The following RNF4 variants were observed in gnomAD, a reference collection of about 807,000 sequenced individuals.
RNF4 encodes E3 ubiquitin-protein ligase RNF4.
RNF4 carries 7 observed loss-of-function variants against 24.3 expected under a neutral mutation model. The observed-to-expected ratio is 0.29, with a 90% CI of 0.16 to 0.54. The LOEUF is 0.54. Ranked by LOEUF, RNF4 falls within the 20% of genes least tolerant of loss-of-function variation. The probability of loss-of-function intolerance (pLI) is 0.95; values close to 1 mark genes in which losing one functional copy is unlikely to be tolerated. For missense variants in RNF4, 209 were observed against 248.5 expected (o/e 0.84, Z 1.07); for synonymous variants, 83 against 84.3 (o/e 0.98, Z 0.09).
chr4:2,478,761 A>T (rs1735159977), intron 1 of RNF4, among the ~76,000 whole-genome samples: 1 of 152,228 alleles, frequency 6.6e-6, no homozygotes, highest in Non-Finnish European at 1.5e-5. Flanking sequence ...CGGGACACTC[A>T]TGGAGAACCT....
At chr4:2,490,831 G>C (rs1735558094) in intron 2 of RNF4, 1 of 219,340 alleles carries the variant, frequency 4.6e-6, no homozygotes, top group East Asian at 1.0e-4. Flanking sequence ...GACTGGGCAT[G>C]GTGGCTCATG....
At chr4:2,503,837 C>T (rs956691632) in intron 4 of RNF4, among the ~76,000 whole-genome samples, 6 of 152,134 alleles carry the variant, frequency 3.9e-5, no homozygotes, top group African/African-American at 1.4e-4. Context: ...CAGGACCTGT[C>T]GAATAGTTTG....
rs1304197374 is a variant in RNF4 at position 2,513,657 on chromosome 4, T to C, written c.424-13T>C. 2.5e-6 allele frequency: 4 copies of C among 1,612,956 alleles called. No individual in the cohort carries two copies. In the African/African-American group the frequency reaches 5.3e-5, roughly 22 times the overall value. On this transcript the variant is annotated splice_polypyrimidine_tract_variant and intron_variant, in intron 7 of 7. Coordinates refer to ENST00000314289, the MANE Select transcript of RNF4 (RefSeq NM_002938.5). ...GGGCAAACTCGGAGGCTCTTCTTTTTAATGCCTTCTAGATCGTGCAGAATG... is the reference window on the plus strand; with the variant it reads ...GGGCAAACTCGGAGGCTCTTCTTTTCAATGCCTTCTAGATCGTGCAGAATG...
intron 1 of RNF4, among the ~76,000 whole-genome samples, chr4:2,485,201 C>T (rs896287822): frequency 2.6e-5 from 4 of 152,214 alleles, no homozygotes; most frequent in Admixed American, 2.0e-4. Flanking sequence ...CTTCCACTTG[C>T]TTAGGTCACC....
chr4:2,474,248 C>T (rs1225351662), intron 1 of RNF4, among the ~76,000 whole-genome samples: 4 of 151,716 alleles, frequency 2.6e-5, no homozygotes, highest in East Asian at 1.9e-4. Context: ...TGTGGTGGCA[C>T]GCACCTGTAA....
intron 2 of RNF4, among the ~76,000 whole-genome samples, chr4:2,491,375 T>C (rs1560406147): frequency 1.3e-5 from 2 of 152,162 alleles, no homozygotes; most frequent in African/African-American, 4.8e-5. Flanking sequence ...TAGCTGCGAT[T>C]ACAGGCATGC....
rs906856470 is a variant in RNF4 at position 2,469,132 on chromosome 4, G to C, written c.-284G>C. On this transcript the variant is annotated 5_prime_UTR_variant, in exon 1 of 8. Transcript: ENST00000314289. Reference sequence around the variant, plus strand: ...GCGGAAGTGGGTTGCTGTTGAGGCGGCGGCATCTTTCTCGAGGAGCTCTCC... The same window carrying C: ...GCGGAAGTGGGTTGCTGTTGAGGCGCCGGCATCTTTCTCGAGGAGCTCTCC... 1 of 152,270 alleles carries C rather than the reference G, an allele frequency of 6.6e-6. No individual in the cohort carries two copies. Among genetic ancestry groups the C allele is most frequent in the African/African-American group, 2.4e-5 (1 of 41,468 alleles). The allele number at this position is 152,270 out of a possible 1,614,324, so 9.4% of individuals were successfully genotyped here. A position where few individuals can be genotyped will look rare whatever the true frequency, so the allele number is the denominator to read the frequency against.
chr4:2,504,732 T>TG (rs1736021753), intron 4 of RNF4, among the ~76,000 whole-genome samples: 2 of 138,970 alleles, frequency 1.4e-5, no homozygotes, highest in African/African-American at 5.4e-5. Context: ...TTGTATTTTT[T>TG]TTTTTTTTTT....
chr4:2,482,277 T>C (rs1451336554), intron 1 of RNF4, among the ~76,000 whole-genome samples: 1 of 152,182 alleles, frequency 6.6e-6, no homozygotes, highest in Non-Finnish European at 1.5e-5. Context: ...CAACCATCCC[T>C]GTACCCCAGC....
chr4:2,484,067 T>TCCCCCCCCCCCACC (rs56727538), intron 1 of RNF4, among the ~76,000 whole-genome samples: 1 of 13,248 alleles, frequency 7.5e-5, no homozygotes, highest in Non-Finnish European at 1.6e-4. Context: ...CCTCAGGTGA[T>TCCCCCCCCCCCACC]CCCCCCCCGC....
intron 1 of RNF4, among the ~76,000 whole-genome samples, chr4:2,474,453 C>G (rs113962737): frequency 1.4e-3 from 205 of 150,770 alleles, no homozygotes; most frequent in Non-Finnish European, 2.4e-3. Context: ...AAAACTTGAA[C>G]ACATGGAGAG....
At chr4:2,505,601 A>AGGTGTG (rs950819404) in intron 4 of RNF4, 1 of 151,038 alleles carries the variant, frequency 6.6e-6, no homozygotes, top group Non-Finnish European at 1.5e-5. Context: ...CTGGGATTAT[A>AGGTGTG]GGTGTGAGCC....
chr4:2,496,924 C>G (rs879624100), intron 2 of RNF4, 83 bp from the exon 3 acceptor site: 213 of 969,442 alleles, frequency 2.2e-4, no homozygotes, highest in Non-Finnish European at 3.2e-4. Flanking sequence ...ATGAAGTGAA[C>G]CATTTCTATT....
rs1736362731 is a variant in RNF4, at chr4:2,514,671, A to G, written c.*852A>G. On this transcript the variant is annotated 3_prime_UTR_variant, in exon 8 of 8. Coordinates refer to ENST00000314289, the MANE Select transcript of RNF4 (RefSeq NM_002938.5). ...TGTCCTCTCTTTTCTGATAAAATCC[A>G]TCCCGTGTTTGCCACACGCCCTCCA... is the stretch of plus-strand genomic sequence containing the variant. 2 of 152,720 alleles carry G rather than the reference A, an allele frequency of 1.3e-5. No homozygotes were observed. The highest frequency in any genetic ancestry group is 4.8e-5 in the African/African-American group (2 of 41,438). 9.5% of individuals were successfully genotyped at this position (152,720 alleles called of 1,614,324 possible).
intron 1 of RNF4, among the ~76,000 whole-genome samples, chr4:2,472,150 T>C (rs1734927403): frequency 6.6e-6 from 1 of 152,210 alleles, no homozygotes; most frequent in African/African-American, 2.4e-5. Flanking sequence ...TTGTAACTAG[T>C]GCTCATTTAC....
chr4:2,484,663 G>T (rs985968222), intron 1 of RNF4, among the ~76,000 whole-genome samples: 1 of 149,496 alleles, frequency 6.7e-6, no homozygotes, highest in African/African-American at 2.5e-5. Flanking sequence ...AGCTTTATTG[G>T]GGGGGACCTC....
chr4:2,476,704 CT>C (rs72435381), intron 1 of RNF4, among the ~76,000 whole-genome samples: 555 of 136,414 alleles, frequency 4.1e-3, no homozygotes, highest in Non-Finnish European at 4.4e-3. Flanking sequence ...TTCTTTCTTT[CT>C]TTTTTTTTTT....
At chr4:2,508,186 A>G (rs74939123) in intron 4 of RNF4, among the ~76,000 whole-genome samples, 3 of 152,186 alleles carry the variant, frequency 2.0e-5, no homozygotes, top group African/African-American at 7.2e-5. Context: ...AGCTTACCAC[A>G]GTACTAATTA....
At position 2,477,411 on chromosome 4, in the gene RNF4, C is replaced by T. The variant is rs752905417; in HGVS notation, c.-158+8153C>T. 2.6e-5 allele frequency among the ~76,000 whole-genome samples: 4 copies of T among 151,954 alleles called. No homozygotes were observed. The East Asian group carries it at 5.8e-4, about 22-fold the overall frequency. ...ATGAGTGTGGCCAACATAGTGAAAC[C>T]CTGTCTCTACTAAAAATACAAAAAT... On this transcript the variant is annotated intron_variant, in intron 1 of 7. Transcript: ENST00000314289.
Sources: gnomAD v4.1 joint callset for allele counts (sites outside exome capture counted in the v4.1 genomes callset) on GRCh38, gnomAD v4.1.1 for gene constraint, MANE v1.5 for transcripts, NCBI Gene and HGNC (gene_info 2026-07-23, HGNC 2026-07-21) for gene names.